Variants in STAU2 observed in about 807,000 individuals in gnomAD.
STAU2 encodes the protein staufen double-stranded RNA binding protein 2.
A neutral mutation model predicts 65.9 loss-of-function variants in STAU2; 20 were observed. That is an observed-to-expected ratio of 0.30 (90% CI 0.21 to 0.44). The LOEUF (loss-of-function observed/expected upper bound fraction) is 0.44, where lower values mean the gene tolerates loss of function less well. STAU2 is among the 20% of genes least tolerant of loss of function. STAU2 has a pLI of 1.00. For missense variants in STAU2, 558 were observed against 683.9 expected, an observed-to-expected ratio of 0.82 and a Z score of 2.05; for synonymous variants, 232 against 233.9, an observed-to-expected ratio of 0.99 and a Z score of 0.07.
chr8:73,727,445 A>C (rs1389537503), intron 3 of STAU2, among the ~76,000 whole-genome samples: 1 of 152,146 alleles, frequency 6.6e-6, no homozygotes, highest in East Asian at 1.9e-4. Flanking sequence ...CCTATTGTGG[A>C]TATTTCACAT....
intron 12 of STAU2, among the ~76,000 whole-genome samples, chr8:73,581,197 T>G (rs1400087034): frequency 6.6e-6 from 1 of 152,212 alleles, no homozygotes; most frequent in Admixed American, 6.5e-5. Flanking sequence ...TGTTTAATGA[T>G]GGAGCCTGCA....
intron 1 of STAU2, among the ~76,000 whole-genome samples, chr8:73,746,569 C>T (rs1423038868): frequency 2.0e-5 from 3 of 151,936 alleles, no homozygotes; most frequent in Non-Finnish European, 2.9e-5. Flanking sequence ...CTTCGCCTCC[C>T]TGTCCTCCCT....
intron 6 of STAU2, among the ~76,000 whole-genome samples, chr8:73,647,284 T>A (rs1361512794): frequency 6.6e-6 from 1 of 151,940 alleles, no homozygotes; most frequent in Admixed American, 6.6e-5. Flanking sequence ...ACATAGATAT[T>A]CACAGCAGCT....
At chr8:73,690,051 G>A (rs796287206) in intron 4 of STAU2, among the ~76,000 whole-genome samples, 16 of 151,518 alleles carry the variant, frequency 1.1e-4, no homozygotes, top group African/African-American at 2.7e-4. Context: ...CATGAAGGCC[G>A]TGCACAGTGG....
At chr8:73,708,718 A>C (rs1820687528) in intron 4 of STAU2, among the ~76,000 whole-genome samples, 2 of 152,154 alleles carry the variant, frequency 1.3e-5, no homozygotes, top group Non-Finnish European at 2.9e-5. Flanking sequence ...TGGCACTGGC[A>C]CTTATGAACT....
intron 13 of STAU2, among the ~76,000 whole-genome samples, chr8:73,470,641 AAT>A (rs1819940606): frequency 1.3e-5 from 2 of 151,588 alleles, no homozygotes; most frequent in African/African-American, 4.9e-5. Flanking sequence ...CTACAAAAAA[AAT>A]TTTTTTTTAA....
At chr8:73,633,165 C>T (rs544780705) in intron 6 of STAU2, among the ~76,000 whole-genome samples, 12 of 152,236 alleles carry the variant, frequency 7.9e-5, no homozygotes, top group African/African-American at 2.6e-4. Context: ...TACTATATGC[C>T]GGCACTGAGC....
At chr8:73,502,355 G>A (rs1821810473) in intron 13 of STAU2, among the ~76,000 whole-genome samples, 1 of 151,764 alleles carries the variant, frequency 6.6e-6, no homozygotes, top group Admixed American at 6.6e-5. Flanking sequence ...TAGCCATAAT[G>A]CTTGCAAATT....
chr8:73,444,941 A>G (rs527725754), intron 13 of STAU2, among the ~76,000 whole-genome samples: 4 of 152,350 alleles, frequency 2.6e-5, no homozygotes, highest in African/African-American at 9.6e-5. Context: ...TCAAGCTAGG[A>G]GAAGCCTTCA....
At chr8:73,425,714 G>A (rs1057344698) in intron 13 of STAU2, among the ~76,000 whole-genome samples, 3 of 151,936 alleles carry the variant, frequency 2.0e-5, no homozygotes, top group African/African-American at 4.8e-5. Flanking sequence ...ATATAGACAA[G>A]CAAAAAGAAT....
intron 13 of STAU2, among the ~76,000 whole-genome samples, chr8:73,535,495 C>T (rs1380158369): frequency 6.6e-6 from 1 of 152,080 alleles, no homozygotes; most frequent in Admixed American, 6.6e-5. Flanking sequence ...TTTCCATTAA[C>T]TATGCCAGTG....
At chr8:73,638,927 AAAT>A (rs1814756851) in intron 6 of STAU2, among the ~76,000 whole-genome samples, 1 of 151,978 alleles carries the variant, frequency 6.6e-6, no homozygotes, top group African/African-American at 2.4e-5. Flanking sequence ...GTTGCAACAG[AAAT>A]AGTTGATTAA....
At chr8:73,618,711 A>G (rs6988903) in intron 6 of STAU2, among the ~76,000 whole-genome samples, 2,778 of 152,344 alleles carry the variant, frequency 0.018, 76 homozygotes, top group African/African-American at 0.06. Context: ...GGAAGCAAGG[A>G]TATCTAATAG....
chr8:73,651,603 C>T lies in STAU2; in HGVS notation c.410+21504G>A, dbSNP rs561953956. ...CCTGGGCCCCAGACTCTGATGCTGT[C>T]CCCTGGCTCCTTCTGGGGTCTCTGC... On this transcript the variant is annotated intron_variant, in intron 6 of 14. Transcript: ENST00000524300. 1.1e-4 allele frequency: 72 copies of T among 676,450 alleles called. 1 individual carries two copies. Among genetic ancestry groups the T allele is most frequent in the South Asian group, 1.0e-3 (69 of 67,810 alleles). The allele number at this position is 676,450 out of a possible 1,614,324, so 41.9% of individuals were successfully genotyped here.
At chr8:73,632,368 T>C (rs1814163140) in intron 6 of STAU2, among the ~76,000 whole-genome samples, 1 of 152,032 alleles carries the variant, frequency 6.6e-6, no homozygotes, top group Non-Finnish European at 1.5e-5. Flanking sequence ...TCAAACCCAG[T>C]GTATATAAGG....
chr8:73,714,047 G>T (rs1357668203), intron 3 of STAU2, among the ~76,000 whole-genome samples: 1 of 152,056 alleles, frequency 6.6e-6, no homozygotes, highest in Non-Finnish European at 1.5e-5. Context: ...GGAATTACAG[G>T]CATGCACCAC....
At chr8:73,654,399 C>A (rs1179485405) in intron 6 of STAU2, among the ~76,000 whole-genome samples, 1 of 151,900 alleles carries the variant, frequency 6.6e-6, no homozygotes, top group South Asian at 2.1e-4. Context: ...CCCCTGTAAT[C>A]CCAACACTTT....
At chr8:73,498,227 T>C (rs954004556) in intron 13 of STAU2, among the ~76,000 whole-genome samples, 1 of 151,856 alleles carries the variant, frequency 6.6e-6, no homozygotes, top group Non-Finnish European at 1.5e-5. Flanking sequence ...CAATTATCTA[T>C]TACATGTCAG....
At chr8:73,728,278 C>T (rs1805793896) in intron 3 of STAU2, among the ~76,000 whole-genome samples, 2 of 152,130 alleles carry the variant, frequency 1.3e-5, no homozygotes, top group African/African-American at 4.8e-5. Context: ...ACTCTCAATT[C>T]TATTAGTCTA....
Sources: gnomAD v4.1 joint callset for allele counts (sites outside exome capture counted in the v4.1 genomes callset) on GRCh38, gnomAD v4.1.1 for gene constraint, MANE v1.5 for transcripts, NCBI Gene and HGNC (gene_info 2026-07-23, HGNC 2026-07-21) for gene names.